Variants in SLC22A25 observed in about 807,000 individuals in gnomAD.
The protein encoded by SLC22A25 is solute carrier family 22 member 25, also known as MGI:2442751, MGI:2385316, MGI:3042283, MGI:3645714, MGI:3605624, MGI:2442750.
In SLC22A25, 44 loss-of-function variants were observed where a neutral mutation model predicts 45.9. That is an observed-to-expected ratio of 0.96 (90% confidence interval 0.75 to 1.23). The LOEUF is 1.23. Ranked by LOEUF, SLC22A25 falls within the 50% of genes most tolerant of loss-of-function variation. SLC22A25 has a pLI of 0.00. For synonymous variants in SLC22A25, 283 were observed against 238.6 expected (o/e 1.19, Z -1.72); for missense variants, 800 against 666.4 (o/e 1.20, Z -2.21).
chr11:63,200,224 A>G (rs1032205142), intron 7 of SLC22A25, among the ~76,000 whole-genome samples: 4 of 151,380 alleles, frequency 2.6e-5, no homozygotes, highest in African/African-American at 9.7e-5. Flanking sequence ...TGAGGCCAAC[A>G]TCCTTGATGA....
intron 1 of SLC22A25, 134 bp downstream of exon 1, chr11:63,243,300 C>A (rs371242358): frequency 2.7e-4 from 118 of 440,006 alleles, no homozygotes; most frequent in African/African-American, 1.4e-3. Flanking sequence ...GTGGCCACTT[C>A]TGATGGTGGC....
At chr11:63,236,061 G>C (rs571109481) in intron 3 of SLC22A25, among the ~76,000 whole-genome samples, 1 of 152,154 alleles carries the variant, frequency 6.6e-6, no homozygotes, top group Non-Finnish European at 1.5e-5. Context: ...CTAATGGGGG[G>C]TGCCTCCCAG....
chr11:63,163,777 T>G lies in SLC22A25; in HGVS notation c.*47A>C. ...GGAATAGCCCAGATCTAAGCCTTTT[T>G]GGGGGATGGTAGCCCTAAATGGTGT... On this transcript the variant is annotated 3_prime_UTR_variant, in exon 12 of 12. Transcript: ENST00000306494. 1 of 1,563,394 alleles carries G rather than the reference T, an allele frequency of 6.4e-7. No homozygotes were observed. Among genetic ancestry groups the G allele is most frequent in the Non-Finnish European group, 8.6e-7 (1 of 1,157,350 alleles).
rs778500961 is a variant in SLC22A25 at position 63,217,471 on chromosome 11, T to C, written c.673A>G (p.Ile225Val). ...GCCATGGCACAGAATTGGTGAGTTA[T>C]CCACTCTACAACTGAAAGAAAACAC... ...VNTVLLIVEW[I>V]THQFCAMALT... Residue 225 changes from isoleucine to valine, a missense_variant, in exon 7 of 12, where the codon ATA becomes GTA. Ile to Val is a conservative substitution (Grantham distance 29, BLOSUM62 3). Transcript: ENST00000306494. 3 of 1,614,016 alleles carry C rather than the reference T, an allele frequency of 1.9e-6. No individual in the cohort carries two copies. The highest frequency in any genetic ancestry group is 1.3e-5 in the African/African-American group (1 of 75,058).
chr11:63,199,596 T>A (rs2089173802), intron 7 of SLC22A25, among the ~76,000 whole-genome samples: 1 of 151,972 alleles, frequency 6.6e-6, no homozygotes, highest in Non-Finnish European at 1.5e-5. Context: ...CCAAAGACAT[T>A]TAGTCTAAGA....
At chr11:63,185,833 GATTTCCAATTTC>G (rs2088518475) in intron 7 of SLC22A25, among the ~76,000 whole-genome samples, 1 of 147,886 alleles carries the variant, frequency 6.8e-6, no homozygotes, top group Non-Finnish European at 1.5e-5. Context: ...TGAGAATGAT[GATTTCCAATTTC>G]ATCCATGTCC....
intron 5 of SLC22A25, among the ~76,000 whole-genome samples, chr11:63,222,031 G>A (rs562263450): frequency 1.9e-4 from 29 of 152,222 alleles, no homozygotes; most frequent in African/African-American, 7.0e-4. Flanking sequence ...GGTTACGATA[G>A]CTCTGTAGTA....
intron 7 of SLC22A25, among the ~76,000 whole-genome samples, chr11:63,208,439 C>G (rs58238635): frequency 0.078 from 11,886 of 152,196 alleles, 672 homozygotes; most frequent in African/African-American, 0.16. Context: ...TCCCCACTAA[C>G]AAAGTGAAAG....
chr11:63,188,121 T>A (rs2088637538), intron 7 of SLC22A25, among the ~76,000 whole-genome samples: 1 of 152,266 alleles, frequency 6.6e-6, no homozygotes, highest in Non-Finnish European at 1.5e-5. Context: ...GAAGGAATGA[T>A]ACCAGCTCCT....
intron 7 of SLC22A25, among the ~76,000 whole-genome samples, chr11:63,190,860 C>T (rs1310293951): frequency 3.9e-5 from 6 of 152,168 alleles, no homozygotes; most frequent in East Asian, 3.8e-4. Flanking sequence ...TGCAGAACAG[C>T]GGATATTGGT....
Position 63,180,776 on chromosome 11 carries a change from C to T in SLC22A25, c.955-1G>A. 6.2e-7 allele frequency: 1 copy of T among 1,609,372 alleles called. No individual in the cohort carries two copies. Among genetic ancestry groups the T allele is most frequent in the South Asian group, 1.1e-5 (1 of 90,638 alleles). ...CTTGCTTCATGGTGGATTTCAAAAC[C>T]TTCAACAACAACAGAAGCAATAAAC... On this transcript the variant is annotated splice_acceptor_variant, in intron 8 of 11. Coordinates refer to ENST00000306494, the MANE Select transcript of SLC22A25 (RefSeq NM_199352.6). LOFTEE classifies it high-confidence loss of function.
rs2090189765 is a variant in SLC22A25, at chr11:63,237,863, G to GT, written c.-445+17dup. Reference sequence around the variant, plus strand: ...TTCTCAATGAATAAATATTTAATCAGTGGATGGAAATACTCACTAGTATAG... The same window carrying GT: ...TTCTCAATGAATAAATATTTAATCAGTTGGATGGAAATACTCACTAGTATAG... On this transcript the variant is annotated intron_variant, in intron 3 of 11. Coordinates refer to ENST00000306494, the MANE Select transcript of SLC22A25 (RefSeq NM_199352.6). 1 of 152,174 alleles carries GT rather than the reference G, an allele frequency of 6.6e-6. No individual in the cohort carries two copies. The highest frequency in any genetic ancestry group is 2.4e-5 in the African/African-American group (1 of 41,434). 9.4% of individuals were successfully genotyped at this position (152,174 alleles called of 1,614,324 possible). A position where few individuals can be genotyped will look rare whatever the true frequency, so the allele number is the denominator to read the frequency against.
Position 63,161,747 on chromosome 11 carries a change from G to A in SLC22A25, c.*2077C>T, listed in dbSNP as rs765277654. 2.0e-5 allele frequency among the ~76,000 whole-genome samples: 3 copies of A among 152,222 alleles called. No individual in the cohort carries two copies. The highest frequency in any genetic ancestry group is 6.5e-5 in the Admixed American group (1 of 15,282). ...TTGTAAATTATCCAGTCTCAGGTAT[G>A]TTTTTAACAGCAGCTTGAAAATGGA... On this transcript the variant is annotated 3_prime_UTR_variant, in exon 12 of 12. Coordinates refer to ENST00000306494, the MANE Select transcript of SLC22A25 (RefSeq NM_199352.6).
rs1159071658 is a variant in SLC22A25 at position 63,233,713 on chromosome 11, T to C, written c.-444-3617A>G. Among the ~76,000 whole-genome samples, 8 of 152,286 alleles carry C rather than the reference T, an allele frequency of 5.3e-5. No individual in the cohort carries two copies. The South Asian group carries it at 1.7e-3, about 32-fold the overall frequency. Reference sequence around the variant, plus strand: ...TGTTTGCTCTTGCTTCTCTAGTTCTTTTAATTGTGATGTTAGGGTGTCAAT... The same window carrying C: ...TGTTTGCTCTTGCTTCTCTAGTTCTCTTAATTGTGATGTTAGGGTGTCAAT... On this transcript the variant is annotated intron_variant, in intron 3 of 11. Coordinates refer to ENST00000306494, the MANE Select transcript of SLC22A25 (RefSeq NM_199352.6).
chr11:63,165,433 T>A (rs1336990746), intron 10 of SLC22A25, among the ~76,000 whole-genome samples: 1 of 152,192 alleles, frequency 6.6e-6, no homozygotes, highest in Non-Finnish European at 1.5e-5. Flanking sequence ...CTTGTGATCA[T>A]TTAATTTATG....
Position 63,183,544 on chromosome 11 carries a change from A to G in SLC22A25, c.954+150T>C, listed in dbSNP as rs1298381976. 4 of 977,958 alleles carry G rather than the reference A, an allele frequency of 4.1e-6. No homozygotes were observed. In the African/African-American group the frequency reaches 4.9e-5, roughly 12 times the overall value. The allele number at this position is 977,958 out of a possible 1,614,324, so 60.6% of individuals were successfully genotyped here. On this transcript the variant is annotated intron_variant, in intron 8 of 11. Transcript: ENST00000306494. ...GATATTCTCTTTCAATGTTAATCCAATGTTGACACCCATTGAGAATGATCG... is the reference window on the plus strand; with the variant it reads ...GATATTCTCTTTCAATGTTAATCCAGTGTTGACACCCATTGAGAATGATCG...
chr11:63,172,859 A>G (rs1353991642), intron 9 of SLC22A25, among the ~76,000 whole-genome samples: 1 of 152,126 alleles, frequency 6.6e-6, no homozygotes, highest in Non-Finnish European at 1.5e-5. Flanking sequence ...CAGCAATCCA[A>G]TTACTGGGTA....
intron 5 of SLC22A25, chr11:63,219,929 T>C (rs1035923990): frequency 6.2e-6 from 8 of 1,289,010 alleles, no homozygotes; most frequent in East Asian, 5.5e-5. Context: ...TCAGGAGAGA[T>C]ACCAGAAGAC....
chr11:63,180,830 TGTAAGAGGAC>T (rs1407158874), intron 8 of SLC22A25, 55 bp from the exon 9 acceptor site: 2 of 1,303,812 alleles, frequency 1.5e-6, no homozygotes, highest in Non-Finnish European at 2.2e-6. Context: ...TGGTAGGCAT[TGTAAGAGGAC>T]TTGTCAACCA....
Sources: allele counts gnomAD v4.1 joint callset (sites outside exome capture counted in the v4.1 genomes callset), GRCh38; gene constraint gnomAD v4.1.1; transcripts MANE v1.5; gene names NCBI Gene and HGNC (gene_info 2026-07-23, HGNC 2026-07-21).